SMIM5: variants seen among roughly 807,000 people sequenced by gnomAD.
The protein encoded by SMIM5 is chromosome 17 open reading frame 109.
SMIM5 carries 4 observed loss-of-function variants against 4.0 expected under a neutral mutation model. The ratio of observed to expected loss-of-function variants is 1.01; its 90% CI spans 0.50 to 2.30. The LOEUF is 2.30. Ranked by LOEUF, SMIM5 falls within the 30% of genes most tolerant of loss-of-function variation. The pLI is 0.02. For synonymous variants in SMIM5, 46 were observed against 43.6 expected (o/e 1.05, Z -0.22); for missense variants, 107 against 99.2 (o/e 1.08, Z -0.34).
In SMIM5 at chr17:75,640,952, C is replaced by G. The variant is rs1321372124; in HGVS notation, c.*55C>G. ...AGAGGAGATGGCCAATGCCATGACA[C>G]AGGCCATCAGCCTGGCCCTGCAGCC... On this transcript the variant is annotated 3_prime_UTR_variant, in exon 3 of 3. Coordinates refer to ENST00000375215, the MANE Select transcript of SMIM5 (RefSeq NM_001162995.3). This position sits in a 1 kb window ranked among gnomAD's most constrained non-coding sequence, Gnocchi z 4.6. 3.3e-6 allele frequency: 5 copies of G among 1,528,888 alleles called. No homozygotes were observed. In the East Asian group the frequency reaches 1.2e-4, roughly 38 times the overall value. 94.7% of individuals were successfully genotyped at this position (1,528,888 alleles called of 1,614,324 possible). A position where few individuals can be genotyped will look rare whatever the true frequency, so the allele number is the denominator to read the frequency against.
In SMIM5 at chr17:75,634,063, G is replaced by C. The variant is rs1371379625; in HGVS notation, c.-176G>C. On this transcript the variant is annotated 5_prime_UTR_variant, in exon 1 of 3. Coordinates refer to ENST00000375215, the MANE Select transcript of SMIM5 (RefSeq NM_001162995.3). ...ACCAACAACAAAAAAGCCAGGCAGA[G>C]ACAGCAGCTGGCTGTCAGCAGAGGA... is the stretch of plus-strand genomic sequence containing the variant. 2.0e-6 allele frequency: 2 copies of C among 985,502 alleles called. No homozygotes were observed. The highest frequency in any genetic ancestry group is 2.4e-6 in the Non-Finnish European group (2 of 830,066). 61.0% of individuals were successfully genotyped at this position (985,502 alleles called of 1,614,324 possible).
Position 75,640,396 on chromosome 17 carries a change from G to T in SMIM5, c.127+68G>T. The T allele has an allele frequency of 6.8e-7, 1 of 1,462,328 alleles. No individual in the cohort carries two copies. The highest frequency in any genetic ancestry group is 9.1e-7 in the Non-Finnish European group (1 of 1,103,126). 90.6% of individuals were successfully genotyped at this position (1,462,328 alleles called of 1,614,324 possible). ...TGGGAGAGACCACACCATGGTGCCA[G>T]CCAGAGGGCTGGCAGAGGTGGCGGG... On this transcript the variant is annotated intron_variant, in intron 2 of 2. Coordinates refer to ENST00000375215, the MANE Select transcript of SMIM5 (RefSeq NM_001162995.3). This position sits in a 1 kb window ranked among gnomAD's most constrained non-coding sequence, Gnocchi z 4.6.
At chr17:75,638,038 GAGATCCTCACCTCCAC>G (rs1242854866) in intron 1 of SMIM5, 1 of 152,212 alleles carries the variant, frequency 6.6e-6, no homozygotes, top group Non-Finnish European at 1.5e-5. Flanking sequence ...TTTGAAAACT[GAGATCCTCACCTCCAC>G]AGAAACGCAC....
At position 75,634,114 on chromosome 17, in the gene SMIM5, A is replaced by G. The variant is rs2059273766; in HGVS notation, c.-125A>G. 1 of 985,550 alleles carries G rather than the reference A, an allele frequency of 1.0e-6. No homozygotes were observed. The highest frequency in any genetic ancestry group is 1.7e-5 in the African/African-American group (1 of 57,386). 61.1% of individuals were successfully genotyped at this position (985,550 alleles called of 1,614,324 possible). ...GCTGGGCTGAGGCGCCCAGGGGAGC[A>G]GCGGCGCCCACGAAGGAAGTACGAG... On this transcript the variant is annotated 5_prime_UTR_variant, in exon 1 of 3. Coordinates refer to ENST00000375215, the MANE Select transcript of SMIM5 (RefSeq NM_001162995.3).
At position 75,640,919 on chromosome 17, in the gene SMIM5, G is replaced by C; in HGVS notation, c.*22G>C. 1.3e-6 allele frequency: 2 copies of C among 1,539,450 alleles called. No homozygotes were observed. The highest frequency in any genetic ancestry group is 1.7e-6 in the Non-Finnish European group (2 of 1,146,270). On this transcript the variant is annotated 3_prime_UTR_variant, in exon 3 of 3. Transcript: ENST00000375215. This position sits in a 1 kb window ranked among gnomAD's most constrained non-coding sequence, Gnocchi z 4.6. ...ATGACGGACGGGCGATGGCTGAGGAGAAGCTGGAGAGGAGATGGCCAATGC... is the reference window on the plus strand; with the variant it reads ...ATGACGGACGGGCGATGGCTGAGGACAAGCTGGAGAGGAGATGGCCAATGC...
chr17:75,633,690 A>C lies in SMIM5; in HGVS notation c.-549A>C. On this transcript the variant is annotated 5_prime_UTR_variant, in exon 1 of 3. Coordinates refer to ENST00000375215, the MANE Select transcript of SMIM5 (RefSeq NM_001162995.3). Reference sequence around the variant, plus strand: ...CCAGCCAGGGAGTGGCCAGAGGGACAGAAGGGGTGGCCTTCCTGAGGGCAG... The same window carrying C: ...CCAGCCAGGGAGTGGCCAGAGGGACCGAAGGGGTGGCCTTCCTGAGGGCAG... 1 of 1,142,234 alleles carries C rather than the reference A, an allele frequency of 8.8e-7. No homozygotes were observed. Among genetic ancestry groups the C allele is most frequent in the Non-Finnish European group, 1.1e-6 (1 of 916,906 alleles). The allele number at this position is 1,142,234 out of a possible 1,614,324, so 70.8% of individuals were successfully genotyped here. A position where few individuals can be genotyped will look rare whatever the true frequency, so the allele number is the denominator to read the frequency against.
intron 1 of SMIM5, among the ~76,000 whole-genome samples, chr17:75,635,197 G>A (rs2059295782): frequency 6.6e-6 from 1 of 152,240 alleles, no homozygotes; most frequent in Admixed American, 6.5e-5. Flanking sequence ...AGAGGCTGGG[G>A]GCTTCGGCTG....
intron 1 of SMIM5, chr17:75,638,165 T>G (rs988557812): frequency 6.6e-6 from 1 of 151,926 alleles, no homozygotes; most frequent in Non-Finnish European, 1.5e-5. Context: ...ATCTTCTGCC[T>G]GCTACCCTCA....
intron 1 of SMIM5, chr17:75,635,905 G>A (rs1255800301): frequency 4.1e-6 from 4 of 976,092 alleles, no homozygotes; most frequent in East Asian, 1.1e-4. Flanking sequence ...GGGAAGCTTC[G>A]GGACCAAGTG....
chr17:75,635,888 G>A (rs745567807), intron 1 of SMIM5: 58 of 984,762 alleles, frequency 5.9e-5, no homozygotes, highest in Non-Finnish European at 6.9e-5. Context: ...TCTGCGAGGA[G>A]GAAACAGGGA....
chr17:75,639,008 C>A (rs938322897), intron 1 of SMIM5: 3 of 152,306 alleles, frequency 2.0e-5, no homozygotes, highest in Non-Finnish European at 4.4e-5. Flanking sequence ...CCTCAGCAGG[C>A]GGAGGTTCCT....
chr17:75,640,964 C>A lies in SMIM5; in HGVS notation c.*67C>A. On this transcript the variant is annotated 3_prime_UTR_variant, in exon 3 of 3. Transcript: ENST00000375215. This position sits in a 1 kb window ranked among gnomAD's most constrained non-coding sequence, Gnocchi z 4.6. ...CAATGCCATGACACAGGCCATCAGC[C>A]TGGCCCTGCAGCCCTTACCCCTCAA... 6.6e-7 allele frequency: 1 copy of A among 1,523,354 alleles called. No individual in the cohort carries two copies. The allele number at this position is 1,523,354 out of a possible 1,614,324, so 94.4% of individuals were successfully genotyped here.
In SMIM5 at chr17:75,634,125, C is replaced by T. The variant is rs556328743; in HGVS notation, c.-114C>T. On this transcript the variant is annotated 5_prime_UTR_variant, in exon 1 of 3. The change creates a new upstream start codon in the 5' untranslated region. Coordinates refer to ENST00000375215, the MANE Select transcript of SMIM5 (RefSeq NM_001162995.3). ...GCGCCCAGGGGAGCAGCGGCGCCCA[C>T]GAAGGAAGTACGAGGACAGCACGTG... 2.1e-5 allele frequency: 21 copies of T among 985,496 alleles called. No individual in the cohort carries two copies. Among genetic ancestry groups the T allele is most frequent in the African/African-American group, 1.7e-5 (1 of 57,362 alleles). 61.0% of individuals were successfully genotyped at this position (985,496 alleles called of 1,614,324 possible).
In SMIM5 at chr17:75,640,982, C is replaced by G; in HGVS notation, c.*85C>G. 6.7e-7 allele frequency: 1 copy of G among 1,502,972 alleles called. No homozygotes were observed. Among genetic ancestry groups the G allele is most frequent in the South Asian group, 1.2e-5 (1 of 80,752 alleles). The allele number at this position is 1,502,972 out of a possible 1,614,324, so 93.1% of individuals were successfully genotyped here. ...CATCAGCCTGGCCCTGCAGCCCTTACCCCTCAAGACCAGGCTCCCCTGGCC... is the reference window on the plus strand; with the variant it reads ...CATCAGCCTGGCCCTGCAGCCCTTAGCCCTCAAGACCAGGCTCCCCTGGCC... On this transcript the variant is annotated 3_prime_UTR_variant, in exon 3 of 3. Transcript: ENST00000375215. The surrounding 1 kb of genome is among the most constrained non-coding windows in gnomAD (Gnocchi z 4.6).
Position 75,633,556 on chromosome 17 carries a change from G to T in SMIM5, c.-683G>T, listed in dbSNP as rs189271589. The T allele has an allele frequency of 1.6e-6, 2 of 1,275,018 alleles. No homozygotes were observed. The highest frequency in any genetic ancestry group is 1.3e-5 in the South Asian group (1 of 79,032). The allele number at this position is 1,275,018 out of a possible 1,614,324, so 79.0% of individuals were successfully genotyped here. On this transcript the variant is annotated 5_prime_UTR_variant, in exon 1 of 3. Transcript: ENST00000375215. ...CCCAAGACGCCTTCAGATGCTGAGC[G>T]GCACAAGGGCCTCCCCAGGGACTGG...
Position 75,640,676 on chromosome 17 carries a change from C to A in SMIM5, c.128-115C>A. The stretch of plus-strand genomic sequence containing the variant: ...TCACCAGCCTCTCGGATCTTTCTGA[C>A]CTCCACCAAACCTGTGGGGGAAAGA... On this transcript the variant is annotated intron_variant, in intron 2 of 2. Coordinates refer to ENST00000375215, the MANE Select transcript of SMIM5 (RefSeq NM_001162995.3). This position sits in a 1 kb window ranked among gnomAD's most constrained non-coding sequence, Gnocchi z 4.6. 2 of 1,478,442 alleles carry A rather than the reference C, an allele frequency of 1.4e-6. No individual in the cohort carries two copies. The highest frequency in any genetic ancestry group is 1.8e-6 in the Non-Finnish European group (2 of 1,111,172). 91.6% of individuals were successfully genotyped at this position (1,478,442 alleles called of 1,614,324 possible).
chr17:75,634,494 GCT>G (rs2059281980), intron 1 of SMIM5, among the ~76,000 whole-genome samples: 1 of 152,234 alleles, frequency 6.6e-6, no homozygotes, highest in African/African-American at 2.4e-5. Context: ...GTTCATTTCA[GCT>G]CTTTTATTCA....
Position 75,633,759 on chromosome 17 carries a change from C to T in SMIM5, c.-480C>T. ...GAGAGCGCTGCAGGACTCCCCTCCA[C>T]AGGCTCAGGTGGAGCCTCCCCAGGG... is the stretch of plus-strand genomic sequence containing the variant. On this transcript the variant is annotated 5_prime_UTR_variant, in exon 1 of 3. An upstream open reading frame in the 5' UTR gains an earlier in-frame stop. Transcript: ENST00000375215. 2 of 1,035,938 alleles carry T rather than the reference C, an allele frequency of 1.9e-6. No individual in the cohort carries two copies. Among genetic ancestry groups the T allele is most frequent in the Non-Finnish European group, 2.3e-6 (2 of 857,682 alleles). The allele number at this position is 1,035,938 out of a possible 1,614,324, so 64.2% of individuals were successfully genotyped here.
In SMIM5 at chr17:75,636,630, G is replaced by T. The variant is rs997594555; in HGVS notation, c.-37+2428G>T. On this transcript the variant is annotated intron_variant, in intron 1 of 2. Transcript: ENST00000375215. The surrounding 1 kb of genome is among the most constrained non-coding windows in gnomAD (Gnocchi z 5.4). Reference sequence around the variant, plus strand: ...GGCCTGGCTTTAAATAGCCCGCTGGGAAGACCACCTGGGGACCGGCTGGAA... The same window carrying T: ...GGCCTGGCTTTAAATAGCCCGCTGGTAAGACCACCTGGGGACCGGCTGGAA... 5 of 152,292 alleles carry T rather than the reference G, an allele frequency of 3.3e-5. No homozygotes were observed. Among genetic ancestry groups the T allele is most frequent in the African/African-American group, 1.2e-4 (5 of 41,462 alleles). The allele number at this position is 152,292 out of a possible 1,614,324, so 9.4% of individuals were successfully genotyped here. A position where few individuals can be genotyped will look rare whatever the true frequency, so the allele number is the denominator to read the frequency against.
Sources: gnomAD v4.1 joint callset for allele counts (sites outside exome capture counted in the v4.1 genomes callset) on GRCh38, gnomAD v4.1.1 for gene constraint, Gnocchi (gnomAD v3.1) non-coding constraint, MANE v1.5 for transcripts, NCBI Gene and HGNC (gene_info 2026-07-23, HGNC 2026-07-21) for gene names.